Variants in ATOSA observed in about 807,000 individuals in gnomAD.
ATOSA encodes atos homolog protein A.
the ATOSA span, among the ~76,000 whole-genome samples, chr15:52,641,639 T>G: frequency 5.3e-5 from 8 of 152,234 alleles, no homozygotes; most frequent in African/African-American, 1.7e-4. Context: ...TGTAACTGTA[T>G]GAGCGGATTC....
At chr15:52,645,639 G>A in the ATOSA span, among the ~76,000 whole-genome samples, 1 of 152,158 alleles carries the variant, frequency 6.6e-6, no homozygotes, top group Admixed American at 6.5e-5. Flanking sequence ...ATTCATTTCT[G>A]TCTTACCTGC....
the ATOSA span, among the ~76,000 whole-genome samples, chr15:52,632,308 T>G: frequency 2.6e-5 from 4 of 152,180 alleles, no homozygotes; most frequent in African/African-American, 9.7e-5. Context: ...TTATAATAAT[T>G]TCTTCTGTTG....
chr15:52,636,080 TTAAAA>T, the ATOSA span, among the ~76,000 whole-genome samples: 5 of 143,340 alleles, frequency 3.5e-5, no homozygotes, highest in East Asian at 6.0e-4. Flanking sequence ...AAATATTAAA[TTAAAA>T]TAATAAAATT....
At chr15:52,589,390 AAT>A in the ATOSA span, among the ~76,000 whole-genome samples, 1 of 152,214 alleles carries the variant, frequency 6.6e-6, no homozygotes, top group Non-Finnish European at 1.5e-5. Flanking sequence ...AACTACACGT[AAT>A]ATATTACCGT....
At chr15:52,694,315 C>T in the ATOSA span, among the ~76,000 whole-genome samples, 1 of 151,868 alleles carries the variant, frequency 6.6e-6, no homozygotes, top group African/African-American at 2.4e-5. Flanking sequence ...TACAGGCATG[C>T]ACTACCACAT....
chr15:52,611,006 G>A, the ATOSA span: 1 of 1,177,962 alleles, frequency 8.5e-7, no homozygotes, highest in Non-Finnish European at 1.2e-6. Context: ...AAAAACCTCA[G>A]TAAATTTTAT....
chr15:52,622,659 A>G, the ATOSA span, among the ~76,000 whole-genome samples: 1 of 152,198 alleles, frequency 6.6e-6, no homozygotes, highest in African/African-American at 2.4e-5. Context: ...GGGCTTTTTG[A>G]AGCAGGTAAC....
At chr15:52,602,409 T>C in the ATOSA span, among the ~76,000 whole-genome samples, 1 of 152,240 alleles carries the variant, frequency 6.6e-6, no homozygotes, top group Admixed American at 6.5e-5. Context: ...TCCCATTTCT[T>C]GCTCCTGCTG....
the ATOSA span, among the ~76,000 whole-genome samples, chr15:52,640,571 C>CAAAAAAAAAAAAAAAAAAAAAA: frequency 7.3e-5 from 2 of 27,564 alleles, no homozygotes; most frequent in African/African-American, 4.5e-4. Context: ...ACTCAAGTCT[C>CAAAAAAAAAAAAAAAAAAAAAA]AAAAAAAAAA....
the ATOSA span, among the ~76,000 whole-genome samples, chr15:52,614,146 T>G: frequency 6.6e-6 from 1 of 151,982 alleles, no homozygotes; most frequent in Non-Finnish European, 1.5e-5. Context: ...ATTCTTTTTG[T>G]CCAGGCTGGA....
chr15:52,604,359 T>C, the ATOSA span, among the ~76,000 whole-genome samples: 1 of 152,384 alleles, frequency 6.6e-6, no homozygotes, highest in Non-Finnish European at 1.5e-5. Context: ...TACATTTAAA[T>C]TCTACATCTA....
chr15:52,705,256 C>T, the ATOSA span, among the ~76,000 whole-genome samples: 1 of 150,664 alleles, frequency 6.6e-6, no homozygotes, highest in Non-Finnish European at 1.5e-5. Flanking sequence ...ATCACGAGGA[C>T]AGAAAACCAA....
chr15:52,604,960 C>A, the ATOSA span, among the ~76,000 whole-genome samples: 2 of 151,824 alleles, frequency 1.3e-5, no homozygotes, highest in East Asian at 1.9e-4. Context: ...ACATTTTTGT[C>A]TTTTCCTGTA....
At chr15:52,599,848 G>A in the ATOSA span, among the ~76,000 whole-genome samples, 4 of 152,130 alleles carry the variant, frequency 2.6e-5, no homozygotes, top group Non-Finnish European at 5.9e-5. Flanking sequence ...AGAAGATGTG[G>A]TCAAATCTAT....
At chr15:52,618,229 C>T in the ATOSA span, among the ~76,000 whole-genome samples, 2 of 152,032 alleles carry the variant, frequency 1.3e-5, no homozygotes, top group Admixed American at 6.6e-5. Context: ...TTAGTAGAGA[C>T]GGGGTTTCAC....
chr15:52,605,637 T>C, the ATOSA span, among the ~76,000 whole-genome samples: 1 of 152,134 alleles, frequency 6.6e-6, no homozygotes, highest in Non-Finnish European at 1.5e-5. Flanking sequence ...ACAATATATA[T>C]ATACCAATTG....
the ATOSA span, among the ~76,000 whole-genome samples, chr15:52,621,831 A>G: frequency 2.6e-5 from 4 of 151,280 alleles, no homozygotes; most frequent in African/African-American, 9.8e-5. Flanking sequence ...CAGCATGAGA[A>G]TACACTAACA....
the ATOSA span, among the ~76,000 whole-genome samples, chr15:52,691,242 A>G: frequency 6.6e-6 from 1 of 152,174 alleles, no homozygotes; most frequent in Non-Finnish European, 1.5e-5. Context: ...TCTTTCCAAG[A>G]TACTCAAATC....
At chr15:52,585,492 C>A in the ATOSA span, among the ~76,000 whole-genome samples, 2 of 152,084 alleles carry the variant, frequency 1.3e-5, no homozygotes, top group Non-Finnish European at 2.9e-5. Flanking sequence ...AAAGAAGAGA[C>A]TTTTTCCTAT....
Sources: allele counts gnomAD v4.1 joint callset (sites outside exome capture counted in the v4.1 genomes callset), GRCh38; gene constraint gnomAD v4.1.1; transcripts MANE v1.5; gene names NCBI Gene and HGNC (gene_info 2026-07-23, HGNC 2026-07-21).